The following SNPH variants were observed in gnomAD, a reference collection of about 807,000 sequenced individuals.
SNPH encodes the protein syntaphilin.
SNPH carries 10 observed loss-of-function variants against 36.8 expected under a neutral mutation model. That is an observed-to-expected ratio of 0.27 (90% CI 0.17 to 0.46). The LOEUF is 0.46. SNPH is among the 20% of genes least tolerant of loss of function. The probability of loss-of-function intolerance (pLI) is 1.00; values close to 1 mark genes in which losing one functional copy is unlikely to be tolerated. For synonymous variants in SNPH, 281 were observed against 312.2 expected (o/e 0.90, Z 1.05); for missense variants, 622 against 744.0 (o/e 0.84, Z 1.91).
intron 2 of SNPH, among the ~76,000 whole-genome samples, chr20:1,288,984 T>C (rs2088318147): frequency 6.6e-6 from 1 of 152,224 alleles, no homozygotes; most frequent in South Asian, 2.1e-4. Context: ...GATGCCCTGC[T>C]TTTATGGAAG....
At position 1,296,105 on chromosome 20, in the gene SNPH, C is replaced by T; in HGVS notation, c.-135C>T. ...GGGTTGGACTGATTACTTTTAGCCA[C>T]TCCTGACAGTTGTGGTTTTAAGTTG... On this transcript the variant is annotated 5_prime_UTR_variant, in exon 4 of 7. Transcript: ENST00000381867. The T allele has an allele frequency of 1.4e-6, 1 of 695,298 alleles. No individual in the cohort carries two copies. Among genetic ancestry groups the T allele is most frequent in the Non-Finnish European group, 2.3e-6 (1 of 439,490 alleles). The allele number at this position is 695,298 out of a possible 1,614,324, so 43.1% of individuals were successfully genotyped here. A position where few individuals can be genotyped will look rare whatever the true frequency, so the allele number is the denominator to read the frequency against.
At chr20:1,297,118 G>A in intron 4 of SNPH, 27 bp from the exon 5 acceptor site, 2 of 1,599,918 alleles carry the variant, frequency 1.3e-6, no homozygotes, top group Non-Finnish European at 1.7e-6. Context: ...GCCAGAACGA[G>A]CACCTGCCTC....
At chr20:1,290,824 G>A (rs2122358500) in intron 2 of SNPH, among the ~76,000 whole-genome samples, 1 of 152,308 alleles carries the variant, frequency 6.6e-6, no homozygotes, top group East Asian at 1.9e-4. Context: ...ATACATGAGA[G>A]TTCCAACTTC....
chr20:1,281,869 G>C (rs930845478), intron 2 of SNPH, among the ~76,000 whole-genome samples: 8 of 152,262 alleles, frequency 5.3e-5, no homozygotes, highest in South Asian at 2.1e-4. Context: ...AATTAGAAGG[G>C]GGAGTAGCTT....
intron 2 of SNPH, among the ~76,000 whole-genome samples, chr20:1,286,089 TAAAAAAAAAAAAAA>T (rs11475556): frequency 9.9e-6 from 1 of 100,526 alleles, no homozygotes; most frequent in Admixed American, 1.2e-4. Context: ...GACTCCATCT[TAAAAAAAAAAAAAA>T]AAAAAAAAAA....
intron 2 of SNPH, among the ~76,000 whole-genome samples, chr20:1,289,512 TACAC>T (rs56289024): frequency 0.33 from 44,845 of 136,570 alleles, 7,411 homozygotes; most frequent in Middle Eastern, 0.44. Flanking sequence ...TTCATTTAAA[TACAC>T]ACACACACAC....
rs1453490045 is a variant in SNPH at position 1,266,945 on chromosome 20, C to G, written c.-493+185C>G. Among the ~76,000 whole-genome samples the G allele has an allele frequency of 6.6e-6, 1 of 152,196 alleles. No homozygotes were observed. The highest frequency in any genetic ancestry group is 1.5e-5 in the Non-Finnish European group (1 of 68,020). On this transcript the variant is annotated intron_variant, in intron 2 of 6. Transcript: ENST00000381867. The surrounding 1 kb of genome is among the most constrained non-coding windows in gnomAD (Gnocchi z 6.0). ...CCTTTAAGCGCTTCCCTCCCTCCCC[C>G]TCCCTGAAATGTAAGAATTAGAGGG...
chr20:1,281,549 T>C (rs912029157), intron 2 of SNPH, among the ~76,000 whole-genome samples: 1 of 152,200 alleles, frequency 6.6e-6, no homozygotes, highest in African/African-American at 2.4e-5. Context: ...CCCAGCCCCC[T>C]GTAGCTCTCT....
intron 2 of SNPH, among the ~76,000 whole-genome samples, chr20:1,282,122 G>C (rs1254288728): frequency 6.6e-6 from 1 of 152,222 alleles, no homozygotes; most frequent in Non-Finnish European, 1.5e-5. Flanking sequence ...CAGCTAATAG[G>C]TATACATTAT....
In SNPH at chr20:1,268,166, A is replaced by G. The variant is rs540698652; in HGVS notation, c.-493+1406A>G. Among the ~76,000 whole-genome samples the G allele has an allele frequency of 2.6e-5, 4 of 152,354 alleles. No homozygotes were observed. In the South Asian group the frequency reaches 8.3e-4, roughly 32 times the overall value. On this transcript the variant is annotated intron_variant, in intron 2 of 6. Transcript: ENST00000381867. ...CAGGCTGAGGGCCTAGGCAGGCAGC[A>G]ACATTTCCACTGCAAAGGTTGTGAC...
intron 2 of SNPH, among the ~76,000 whole-genome samples, chr20:1,280,618 CT>C (rs2088205665): frequency 6.6e-6 from 1 of 152,270 alleles, no homozygotes; most frequent in South Asian, 2.1e-4. Flanking sequence ...TGCCTTAGGT[CT>C]GAGTCATACT....
chr20:1,306,195 C>T lies in SNPH; in HGVS notation c.*141C>T, dbSNP rs2088577594. The stretch of plus-strand genomic sequence containing the variant: ...GTTTCTTTTTTTCAAGATGTTAAAA[C>T]AGTCCCGTGGAAGGAGCAGGGGTTG... On this transcript the variant is annotated 3_prime_UTR_variant, in exon 7 of 7. Coordinates refer to ENST00000381867, the MANE Select transcript of SNPH (RefSeq NM_001318234.2). 2.7e-6 allele frequency: 2 copies of T among 746,592 alleles called. No individual in the cohort carries two copies. The highest frequency in any genetic ancestry group is 2.0e-6 in the Non-Finnish European group (1 of 512,710). The allele number at this position is 746,592 out of a possible 1,614,324, so 46.2% of individuals were successfully genotyped here.
At chr20:1,282,057 A>C (rs1331781122) in intron 2 of SNPH, among the ~76,000 whole-genome samples, 1 of 152,256 alleles carries the variant, frequency 6.6e-6, no homozygotes, top group Non-Finnish European at 1.5e-5. Context: ...GAGCTTGAAC[A>C]CTTTGCCTTT....
intron 4 of SNPH, 42 bp downstream of exon 4, chr20:1,296,463 G>C (rs767900894): frequency 1.3e-6 from 2 of 1,545,680 alleles, no homozygotes; most frequent in Non-Finnish European, 1.7e-6. Flanking sequence ...TCGGAGGGCG[G>C]GAGGAGGGCG....
At chr20:1,267,656 T>C (rs1246726687) in intron 2 of SNPH, among the ~76,000 whole-genome samples, 2 of 152,216 alleles carry the variant, frequency 1.3e-5, no homozygotes, top group Non-Finnish European at 2.9e-5. Context: ...TTTTAGTATA[T>C]CACTCAAGCA....
rs2088011761 is a variant in SNPH at position 1,266,820 on chromosome 20, C to T, written c.-493+60C>T. 3 of 1,303,724 alleles carry T rather than the reference C, an allele frequency of 2.3e-6. No individual in the cohort carries two copies. Among genetic ancestry groups the T allele is most frequent in the African/African-American group, 1.5e-5 (1 of 64,626 alleles). 80.8% of individuals were successfully genotyped at this position (1,303,724 alleles called of 1,614,324 possible). ...TGCGCTGCACCGCGGCAGGTGGGGG[C>T]CGCTTGCAACCGCTCGCTGCGGTAG... On this transcript the variant is annotated intron_variant, in intron 2 of 6. Transcript: ENST00000381867. The surrounding 1 kb of genome is among the most constrained non-coding windows in gnomAD (Gnocchi z 6.0).
At position 1,304,949 on chromosome 20, in the gene SNPH, A is replaced by C. The variant is rs1293519306; in HGVS notation, c.512A>C (p.His171Pro). Residue 171 changes from histidine (H) to proline (P), a missense_variant, in exon 7 of 7, where the codon CAC (histidine) becomes CCC (proline). By Grantham distance (77) the His-to-Pro change is moderately conservative. Around this residue, in one of 3 missense-constraint regions of SNPH, gnomAD observed 56 missense variants for 106.6 expected, o/e 0.53. Transcript: ENST00000381867. The surrounding 1 kb of genome is among the most constrained non-coding windows in gnomAD (Gnocchi z 4.3). ...MQEDWIEEEC[H>P]RVEAQLALKE... ...GAGGACTGGATTGAGGAGGAGTGCC[A>C]CCGCGTGGAGGCCCAGCTGGCCCTG... The C allele has an allele frequency of 6.2e-7, 1 of 1,613,816 alleles. No individual in the cohort carries two copies. The highest frequency in any genetic ancestry group is 1.7e-5 in the Admixed American group (1 of 60,028).
chr20:1,271,567 C>G (rs2088073767), intron 2 of SNPH, among the ~76,000 whole-genome samples: 1 of 152,174 alleles, frequency 6.6e-6, no homozygotes, highest in East Asian at 1.9e-4. Context: ...GTCTCGAACT[C>G]CTGACCTCAG....
intron 5 of SNPH, 66 bp downstream of exon 5, chr20:1,297,318 A>T: frequency 6.6e-7 from 1 of 1,504,344 alleles, no homozygotes; most frequent in East Asian, 2.4e-5. Context: ...GGGGTGGGAG[A>T]GGTAAGGGAG....
Sources: gnomAD v4.1 joint callset for allele counts (sites outside exome capture counted in the v4.1 genomes callset) on GRCh38, gnomAD v4.1.1 for gene constraint, gnomAD v4.1.1 regional missense constraint, Gnocchi (gnomAD v3.1) non-coding constraint, MANE v1.5 for transcripts, NCBI Gene and HGNC (gene_info 2026-07-23, HGNC 2026-07-21) for gene names.